SLA: variants seen among roughly 807,000 people sequenced by gnomAD.
The protein encoded by SLA is Src like adaptor.
SLA carries 16 observed loss-of-function variants against 30.3 expected under a neutral mutation model. The ratio of observed to expected loss-of-function variants is 0.53; its 90% CI spans 0.36 to 0.80. The LOEUF is 0.80. Ranked by LOEUF, SLA falls within the 30% of genes least tolerant of loss-of-function variation. SLA has a pLI of 0.01. For synonymous variants in SLA, 143 were observed against 137.8 expected, an observed-to-expected ratio of 1.04 and a Z score of -0.26; for missense variants, 310 against 345.2, an observed-to-expected ratio of 0.90 and a Z score of 0.81.
chr8:133,085,804 G>C (rs1170194240), intron 1 of SLA, among the ~76,000 whole-genome samples: 2 of 152,194 alleles, frequency 1.3e-5, no homozygotes, highest in African/African-American at 4.8e-5. Context: ...TTGACAAACA[G>C]TTTGGCAACT....
intron 1 of SLA, among the ~76,000 whole-genome samples, chr8:133,085,356 A>G (rs774084680): frequency 4.3e-4 from 66 of 152,244 alleles, no homozygotes; most frequent in Non-Finnish European, 2.4e-4. Context: ...GATACATCGG[A>G]TTTCATCACA....
intron 7 of SLA, among the ~76,000 whole-genome samples, chr8:133,044,376 G>T (rs768398161): frequency 3.9e-5 from 6 of 152,048 alleles, no homozygotes; most frequent in Non-Finnish European, 7.4e-5. Flanking sequence ...GGAGAATTCA[G>T]ACCTCTCTCC....
At chr8:133,095,281 G>A in intron 1 of SLA, 1 of 1,608,134 alleles carries the variant, frequency 6.2e-7, no homozygotes, top group South Asian at 1.1e-5. Context: ...GACCTAGGAA[G>A]GAGGTGTCAC....
At chr8:133,043,543 T>A (rs1195484536) in intron 7 of SLA, among the ~76,000 whole-genome samples, 2 of 152,226 alleles carry the variant, frequency 1.3e-5, no homozygotes, top group African/African-American at 2.4e-5. Flanking sequence ...ACATGAACGA[T>A]TGTGTTTAAT....
At chr8:133,050,231 G>T (rs970303627) in intron 4 of SLA, 9 of 527,796 alleles carry the variant, frequency 1.7e-5, no homozygotes, top group African/African-American at 1.5e-4. Context: ...AGAAATAGCT[G>T]CTTTTCAGGG....
chr8:133,044,321 G>A (rs950850756), intron 7 of SLA, among the ~76,000 whole-genome samples: 10 of 152,158 alleles, frequency 6.6e-5, no homozygotes, highest in Admixed American at 3.3e-4. Context: ...CACACCACAT[G>A]ATGCTTGCTT....
intron 1 of SLA, among the ~76,000 whole-genome samples, chr8:133,081,568 A>G (rs533095408): frequency 6.7e-6 from 1 of 150,268 alleles, no homozygotes; most frequent in South Asian, 2.1e-4. Flanking sequence ...TGGCCCTAAA[A>G]TTATTCTCAG....
At chr8:133,047,466 T>G (rs530409446) in intron 6 of SLA, 5 of 219,772 alleles carry the variant, frequency 2.3e-5, no homozygotes, top group Non-Finnish European at 4.7e-5. Context: ...GACAAATCAG[T>G]CACAGAGCTT....
rs1429199086 is a variant in SLA at position 133,038,475 on chromosome 8, G to C, written c.*49C>G. On this transcript the variant is annotated 3_prime_UTR_variant, in exon 9 of 9. Transcript: ENST00000338087. ...GCTTTTCGCAAGATCCCAGGCAATA[G>C]TTGGAACTTCTGTTCCTTTTGGGCA... The C allele has an allele frequency of 1.4e-6, 2 of 1,426,942 alleles. No homozygotes were observed. Among genetic ancestry groups the C allele is most frequent in the African/African-American group, 2.8e-5 (2 of 70,994 alleles). The allele number at this position is 1,426,942 out of a possible 1,614,324, so 88.4% of individuals were successfully genotyped here. A position where few individuals can be genotyped will look rare whatever the true frequency, so the allele number is the denominator to read the frequency against.
rs564827052 is a variant in SLA at position 133,089,236 on chromosome 8, A to G, written c.-319+13317T>C. ...AGCCACCATCCTGACATTCATTTCC[A>G]GTTCTCTTCTGTTCCGCATATGGTG... On this transcript the variant is annotated intron_variant, in intron 1 of 8. Coordinates refer to ENST00000338087, the MANE Select transcript of SLA (RefSeq NM_001045556.3). 3.3e-4 allele frequency among the ~76,000 whole-genome samples: 50 copies of G among 152,276 alleles called. 1 individual carries two copies. Among genetic ancestry groups the G allele is most frequent in the African/African-American group, 1.2e-3 (48 of 41,556 alleles).
intron 3 of SLA, chr8:133,059,292 C>A: frequency 5.4e-6 from 2 of 368,586 alleles, no homozygotes; most frequent in Non-Finnish European, 1.1e-5. Flanking sequence ...GTCCCTTTCC[C>A]AAGACCCCAC....
At chr8:133,085,583 G>C (rs1380837154) in intron 1 of SLA, among the ~76,000 whole-genome samples, 1 of 152,130 alleles carries the variant, frequency 6.6e-6, no homozygotes, top group Non-Finnish European at 1.5e-5. Flanking sequence ...ATGTACAAAT[G>C]GGCCCATAAG....
At chr8:133,060,855 G>C (rs1260364529) in intron 2 of SLA, among the ~76,000 whole-genome samples, 2 of 152,172 alleles carry the variant, frequency 1.3e-5, no homozygotes, top group Non-Finnish European at 2.9e-5. Flanking sequence ...TAAGTGACTT[G>C]TATGAGGTCA....
intron 1 of SLA, among the ~76,000 whole-genome samples, chr8:133,080,895 A>G (rs1845640325): frequency 6.6e-6 from 1 of 152,218 alleles, no homozygotes; most frequent in Non-Finnish European, 1.5e-5. Flanking sequence ...GCATCTTCCT[A>G]GATGCCTCTC....
intron 2 of SLA, 100 bp from the exon 3 acceptor site, chr8:133,060,300 A>G (rs1343323531): frequency 2.5e-6 from 4 of 1,573,274 alleles, no homozygotes; most frequent in Non-Finnish European, 3.5e-6. Flanking sequence ...TTTTTCTGGC[A>G]GCTTGCTTCT....
intron 1 of SLA, 106 bp from the exon 2 acceptor site, chr8:133,075,236 T>A: frequency 3.4e-6 from 2 of 589,850 alleles, no homozygotes; most frequent in Non-Finnish European, 2.1e-6. Flanking sequence ...TTTCTCTAAT[T>A]AAAAGGCAAA....
At chr8:133,081,362 C>T (rs1441110547) in intron 1 of SLA, among the ~76,000 whole-genome samples, 1 of 152,248 alleles carries the variant, frequency 6.6e-6, no homozygotes, top group Non-Finnish European at 1.5e-5. Context: ...GGTGACTTTT[C>T]ACCTCTGGGG....
chr8:133,058,085 G>A (rs1056393294), intron 3 of SLA, among the ~76,000 whole-genome samples: 1 of 152,220 alleles, frequency 6.6e-6, no homozygotes, highest in Non-Finnish European at 1.5e-5. Context: ...AGCTTGAGCT[G>A]AGTAGCAGCT....
intron 7 of SLA, chr8:133,040,390 C>A: frequency 2.3e-6 from 1 of 432,234 alleles, no homozygotes; most frequent in Non-Finnish European, 4.2e-6. Flanking sequence ...CAGTATCAAC[C>A]AAGCTTGGGT....
Sources: gnomAD v4.1 joint callset for allele counts (sites outside exome capture counted in the v4.1 genomes callset) on GRCh38, gnomAD v4.1.1 for gene constraint, MANE v1.5 for transcripts, NCBI Gene and HGNC (gene_info 2026-07-23, HGNC 2026-07-21) for gene names.